AKAP6: variants seen among roughly 807,000 people sequenced by gnomAD.
AKAP6 encodes the protein A-kinase anchor protein 6.
AKAP6 carries 58 observed loss-of-function variants against 188.5 expected under a neutral mutation model. That is an observed-to-expected ratio of 0.31 (90% CI 0.25 to 0.38). The LOEUF (loss-of-function observed/expected upper bound fraction) is 0.38. AKAP6 is among the 10% of genes least tolerant of loss of function. The pLI is 1.00. For synonymous variants in AKAP6, 989 were observed against 998.6 expected (o/e 0.99, Z 0.18); for missense variants, 2,710 against 2,740.0 (o/e 0.99, Z 0.24).
rs190606076 is a variant in AKAP6 at position 32,547,097 on chromosome 14, G to A, written c.2346+98G>A. 4.0e-5 allele frequency: 46 copies of A among 1,144,458 alleles called. No homozygotes were observed. The African/African-American group carries it at 6.2e-4, about 15-fold the overall frequency. The allele number at this position is 1,144,458 out of a possible 1,614,324, so 70.9% of individuals were successfully genotyped here. On this transcript the variant is annotated intron_variant, in intron 4 of 13. Coordinates refer to ENST00000280979, the MANE Select transcript of AKAP6 (RefSeq NM_004274.5). Reference sequence around the variant, plus strand: ...CCTACACTCTATTATAAAATGTATGGCTATTTTTGATAAATCTGATTCTCC... The same window carrying A: ...CCTACACTCTATTATAAAATGTATGACTATTTTTGATAAATCTGATTCTCC...
At chr14:32,434,759 T>G (rs1435576300) in intron 2 of AKAP6, among the ~76,000 whole-genome samples, 2 of 152,220 alleles carry the variant, frequency 1.3e-5, no homozygotes, top group African/African-American at 2.4e-5. Context: ...GTGGGAAAGA[T>G]GAGCACTTAA....
chr14:32,454,716 CTT>C (rs1566512211), intron 2 of AKAP6, among the ~76,000 whole-genome samples: 4 of 37,632 alleles, frequency 1.1e-4, no homozygotes, highest in East Asian at 5.6e-4. Context: ...TCCTTCCCTC[CTT>C]CTCTCCTTCC....
At chr14:32,815,392 T>C (rs2034351968) in intron 12 of AKAP6, among the ~76,000 whole-genome samples, 1 of 152,240 alleles carries the variant, frequency 6.6e-6, no homozygotes, top group African/African-American at 2.4e-5. Flanking sequence ...TTGATTGCTC[T>C]AATGGGTCAG....
chr14:32,640,524 C>T (rs1358496472), intron 7 of AKAP6, among the ~76,000 whole-genome samples: 1 of 152,066 alleles, frequency 6.6e-6, no homozygotes, highest in Non-Finnish European at 1.5e-5. Context: ...TCTTTTGTAA[C>T]AATTGATAAA....
At chr14:32,433,872 C>A in intron 2 of AKAP6, 55 bp downstream of exon 2, 1 of 1,510,426 alleles carries the variant, frequency 6.6e-7, no homozygotes, top group Non-Finnish European at 9.0e-7. Flanking sequence ...GGCTGTGGCA[C>A]CTAGAGACTG....
intron 1 of AKAP6, among the ~76,000 whole-genome samples, chr14:32,360,416 C>A (rs549402317): frequency 6.6e-6 from 1 of 152,054 alleles, no homozygotes; most frequent in Non-Finnish European, 1.5e-5. Context: ...CGTGAGCCAC[C>A]GCGCCTGGCC....
intron 2 of AKAP6, among the ~76,000 whole-genome samples, chr14:32,479,410 T>C (rs567079424): frequency 3.9e-5 from 6 of 152,252 alleles, no homozygotes; most frequent in African/African-American, 1.4e-4. Context: ...ACTATTACCA[T>C]TTTTGATATA....
At chr14:32,631,605 G>A (rs1887276334) in intron 7 of AKAP6, among the ~76,000 whole-genome samples, 1 of 151,978 alleles carries the variant, frequency 6.6e-6, no homozygotes, top group Non-Finnish European at 1.5e-5. Context: ...TTCTTCCAGT[G>A]CTTCAGATTT....
intron 5 of AKAP6, among the ~76,000 whole-genome samples, chr14:32,596,944 A>G (rs1484980605): frequency 1.3e-5 from 2 of 152,108 alleles, no homozygotes; most frequent in African/African-American, 4.8e-5. Context: ...GCTCATTGTG[A>G]ATTCCTTAGT....
intron 5 of AKAP6, among the ~76,000 whole-genome samples, chr14:32,596,377 C>A (rs1422378111): frequency 1.3e-5 from 2 of 152,076 alleles, no homozygotes; most frequent in African/African-American, 4.8e-5. Context: ...TTTGGTCCTG[C>A]CAATAAGTAG....
chr14:32,772,030 T>C (rs1009178250), intron 11 of AKAP6, among the ~76,000 whole-genome samples: 4 of 151,856 alleles, frequency 2.6e-5, no homozygotes, highest in African/African-American at 9.7e-5. Context: ...AGAGATAAAT[T>C]GAAGGGTGTG....
rs528236647 is a variant in AKAP6, at chr14:32,672,394, T to A, written c.2731-5917T>A. 5.3e-5 allele frequency among the ~76,000 whole-genome samples: 8 copies of A among 152,256 alleles called. No individual in the cohort carries two copies. In the East Asian group the frequency reaches 1.5e-3, roughly 29 times the overall value. ...AACAGCAGAAATTATTTCTCACAGT[T>A]CTGGAGGCTGGAAGTCCAAGATTGA... On this transcript the variant is annotated intron_variant, in intron 7 of 13. Transcript: ENST00000280979.
chr14:32,398,377 C>CT lies in AKAP6; in HGVS notation c.-34-35081dup, dbSNP rs1202940684. Among the ~76,000 whole-genome samples the CT allele has an allele frequency of 2.0e-5, 3 of 152,204 alleles. No individual in the cohort carries two copies. The East Asian group carries it at 5.8e-4, about 29-fold the overall frequency. ...ACCTTGAGGCAGGGTCAGACAAGGG[C>CT]TTCTTGGCTTTACCACTCTTTGCAT... On this transcript the variant is annotated intron_variant, in intron 1 of 13. Transcript: ENST00000280979.
chr14:32,641,111 AT>A lies in AKAP6; in HGVS notation c.2731-37191del, dbSNP rs372337959. 4.0e-3 allele frequency among the ~76,000 whole-genome samples: 604 copies of A among 151,346 alleles called. 2 individuals carry two copies. Among genetic ancestry groups the A allele is most frequent in the African/African-American group, 0.014 (563 of 41,264 alleles). On this transcript the variant is annotated intron_variant, in intron 7 of 13. Transcript: ENST00000280979. ...TCTACTCTCTGGAAGGTCGTTGTGAATTTTTTTTTCACTGAAAATGTTTTGG... is the reference window on the plus strand; with the variant it reads ...TCTACTCTCTGGAAGGTCGTTGTGAATTTTTTTTCACTGAAAATGTTTTGG...
intron 8 of AKAP6, among the ~76,000 whole-genome samples, chr14:32,694,883 A>T (rs1222691659): frequency 6.6e-6 from 1 of 152,210 alleles, no homozygotes; most frequent in Admixed American, 6.5e-5. Flanking sequence ...AAAAATTCAG[A>T]TTCATACCTG....
chr14:32,803,817 T>G (rs2034019324), intron 12 of AKAP6, among the ~76,000 whole-genome samples: 1 of 152,196 alleles, frequency 6.6e-6, no homozygotes, highest in South Asian at 2.1e-4. Context: ...AAACTCAGTT[T>G]GTCAAAAACA....
chr14:32,619,083 C>G (rs1886708275), intron 7 of AKAP6, among the ~76,000 whole-genome samples: 1 of 151,430 alleles, frequency 6.6e-6, no homozygotes, highest in Admixed American at 6.6e-5. Context: ...GACATTAGTC[C>G]TTTGTCAGAT....
At chr14:32,682,392 G>A (rs1269193797) in intron 8 of AKAP6, among the ~76,000 whole-genome samples, 4 of 152,218 alleles carry the variant, frequency 2.6e-5, no homozygotes, top group African/African-American at 4.8e-5. Flanking sequence ...ATGAGCTCTC[G>A]CAGGCAGGGC....
At chr14:32,728,200 ATTTTTTTTTT>A (rs3033287) in intron 9 of AKAP6, among the ~76,000 whole-genome samples, 19 of 71,060 alleles carry the variant, frequency 2.7e-4, no homozygotes, top group Admixed American at 8.0e-4. Context: ...ACATCCCTGG[ATTTTTTTTTT>A]TTTTTTTTTT....
Sources: gnomAD v4.1 joint callset for allele counts (sites outside exome capture counted in the v4.1 genomes callset) on GRCh38, gnomAD v4.1.1 for gene constraint, MANE v1.5 for transcripts, NCBI Gene and HGNC (gene_info 2026-07-23, HGNC 2026-07-21) for gene names.